ASAP2: variants seen among roughly 807,000 people sequenced by gnomAD.
The protein encoded by ASAP2 is ArfGAP with SH3 domain, ankyrin repeat and PH domain 2, also known as arf-GAP with SH3 domain, ANK repeat and PH domain-containing protein 2.
In ASAP2, 45 loss-of-function variants were observed where a neutral mutation model predicts 131.4. The ratio of observed to expected loss-of-function variants is 0.34; its 90% confidence interval spans 0.27 to 0.44. ASAP2 has a LOEUF of 0.44. Among genes scored for constraint, ASAP2 ranks in the 20% least tolerant of loss-of-function variants. The probability of loss-of-function intolerance (pLI) is 1.00; values close to 1 mark genes in which losing one functional copy is unlikely to be tolerated. For synonymous variants in ASAP2, 510 were observed against 503.0 expected, an observed-to-expected ratio of 1.01 and a Z score of -0.19; for missense variants, 1,011 against 1,297.0, an observed-to-expected ratio of 0.78 and a Z score of 3.39.
chr2:9,347,116 G>A (rs942468641), intron 11 of ASAP2, among the ~76,000 whole-genome samples: 2 of 152,194 alleles, frequency 1.3e-5, no homozygotes, highest in African/African-American at 4.8e-5. Context: ...TCCTGCAGGG[G>A]TGGTAGGTGG....
chr2:9,215,433 G>A (rs1300216520), intron 1 of ASAP2, among the ~76,000 whole-genome samples: 2 of 151,946 alleles, frequency 1.3e-5, no homozygotes, highest in African/African-American at 4.8e-5. Context: ...AGGTATTGAT[G>A]AATATAAACA....
intron 12 of ASAP2, among the ~76,000 whole-genome samples, chr2:9,355,172 C>G (rs1572532107): frequency 1.3e-5 from 2 of 152,164 alleles, no homozygotes; most frequent in South Asian, 4.1e-4. Flanking sequence ...AAAAATCTTA[C>G]TCAGATTTTA....
At chr2:9,378,770 C>T (rs1233325090) in intron 18 of ASAP2, among the ~76,000 whole-genome samples, 174 bp from the exon 19 acceptor site, 3 of 152,238 alleles carry the variant, frequency 2.0e-5, no homozygotes, top group African/African-American at 7.2e-5. Context: ...CTTCCCCAGC[C>T]ATGTAGGCAG....
At chr2:9,314,285 C>T (rs1444657713) in intron 3 of ASAP2, among the ~76,000 whole-genome samples, 1 of 152,176 alleles carries the variant, frequency 6.6e-6, no homozygotes, top group African/African-American at 2.4e-5. Flanking sequence ...CACTCAGCCT[C>T]CTTTGTAAAT....
chr2:9,288,055 T>C (rs1266855199), intron 2 of ASAP2, among the ~76,000 whole-genome samples: 3 of 152,186 alleles, frequency 2.0e-5, no homozygotes, highest in Non-Finnish European at 4.4e-5. Context: ...AGTGGTTCTT[T>C]AATCTTTTGG....
intron 15 of ASAP2, among the ~76,000 whole-genome samples, chr2:9,364,222 A>G (rs1435379243): frequency 6.6e-6 from 1 of 152,138 alleles, no homozygotes; most frequent in Non-Finnish European, 1.5e-5. Flanking sequence ...TAAAAATCTT[A>G]TGAGACCAGG....
intron 1 of ASAP2, among the ~76,000 whole-genome samples, chr2:9,223,434 G>T (rs1052696879): frequency 1.3e-5 from 2 of 152,120 alleles, no homozygotes; most frequent in Admixed American, 1.3e-4. Context: ...GAACATGCAG[G>T]CTTCATTTTT....
chr2:9,233,560 C>G (rs1663320461), intron 1 of ASAP2, among the ~76,000 whole-genome samples: 1 of 152,176 alleles, frequency 6.6e-6, no homozygotes, highest in Non-Finnish European at 1.5e-5. Flanking sequence ...CCCTTCAGGA[C>G]CTCTCGTTAT....
At chr2:9,403,135 CG>C (rs1179037536) in intron 27 of ASAP2, 117 bp from the exon 28 acceptor site, 1 of 772,340 alleles carries the variant, frequency 1.3e-6, no homozygotes, top group Admixed American at 2.6e-5. Context: ...AATTCCTTGT[CG>C]GAAGAGTCTT....
Position 9,392,178 on chromosome 2 carries a change from C to T in ASAP2, c.2518+982C>T, listed in dbSNP as rs931010019. On this transcript the variant is annotated intron_variant, in intron 23 of 27. Coordinates refer to ENST00000281419, the MANE Select transcript of ASAP2 (RefSeq NM_003887.3). This position sits in a 1 kb window ranked among gnomAD's most constrained non-coding sequence, Gnocchi z 4.0. Reference sequence around the variant, plus strand: ...CCTGGCATGTTTTCTTTAATATCAACATGTGGTTGAAAGTCCTGAAAACCT... The same window carrying T: ...CCTGGCATGTTTTCTTTAATATCAATATGTGGTTGAAAGTCCTGAAAACCT... Among the ~76,000 whole-genome samples the T allele has an allele frequency of 8.5e-5, 13 of 152,078 alleles. No individual in the cohort carries two copies. Among genetic ancestry groups the T allele is most frequent in the African/African-American group, 3.1e-4 (13 of 41,314 alleles).
At chr2:9,226,748 G>A (rs374486924) in intron 1 of ASAP2, among the ~76,000 whole-genome samples, 19 of 152,260 alleles carry the variant, frequency 1.2e-4, no homozygotes, top group African/African-American at 4.1e-4. Flanking sequence ...CACGCCGTCC[G>A]TCCACTCAAA....
At chr2:9,235,589 TGGA>T (rs1402380551) in intron 1 of ASAP2, among the ~76,000 whole-genome samples, 6 of 151,480 alleles carry the variant, frequency 4.0e-5, no homozygotes, top group Non-Finnish European at 7.4e-5. Context: ...TAAAGAGAAA[TGGA>T]GGAGGGAGAA....
At chr2:9,363,567 G>A (rs1051851490) in intron 15 of ASAP2, among the ~76,000 whole-genome samples, 2 of 152,196 alleles carry the variant, frequency 1.3e-5, no homozygotes, top group South Asian at 4.2e-4. Context: ...ACATATACCT[G>A]TTGGTCATTT....
intron 7 of ASAP2, among the ~76,000 whole-genome samples, chr2:9,333,362 A>G (rs1317424707): frequency 1.3e-5 from 2 of 152,236 alleles, no homozygotes; most frequent in Non-Finnish European, 2.9e-5. Context: ...ACACTAATGA[A>G]TACATAATTG....
At chr2:9,350,702 A>T in intron 11 of ASAP2, 106 bp from the exon 12 acceptor site, 1 of 909,262 alleles carries the variant, frequency 1.1e-6, no homozygotes, top group Non-Finnish European at 1.6e-6. Context: ...TTTGCAAACT[A>T]GTGAAGAGCT....
chr2:9,261,629 C>T (rs538194698), intron 1 of ASAP2, among the ~76,000 whole-genome samples: 1 of 152,216 alleles, frequency 6.6e-6, no homozygotes, highest in African/African-American at 2.4e-5. Context: ...GCCTTTCTTT[C>T]CCTGGGAGCA....
intron 20 of ASAP2, among the ~76,000 whole-genome samples, chr2:9,382,079 G>C (rs2148747764): frequency 6.7e-6 from 1 of 150,100 alleles, no homozygotes; most frequent in South Asian, 2.1e-4. Context: ...CGCCTCCCAG[G>C]TTTAAGCAAT....
intron 3 of ASAP2, among the ~76,000 whole-genome samples, chr2:9,298,420 C>T (rs1356407350): frequency 2.6e-5 from 4 of 152,124 alleles, no homozygotes; most frequent in South Asian, 4.2e-4. Context: ...TCTTTCTCCC[C>T]GTCTTCACTT....
At chr2:9,294,902 G>A (rs74472937) in intron 2 of ASAP2, among the ~76,000 whole-genome samples, 2,036 of 152,266 alleles carry the variant, frequency 0.013, 50 homozygotes, top group African/African-American at 0.047. Flanking sequence ...TGGAGGTTGC[G>A]TTCCTGTTTC....
Sources: allele counts gnomAD v4.1 joint callset (sites outside exome capture counted in the v4.1 genomes callset), GRCh38; gene constraint gnomAD v4.1.1; non-coding constraint Gnocchi (gnomAD v3.1); transcripts MANE v1.5; gene names NCBI Gene and HGNC (gene_info 2026-07-23, HGNC 2026-07-21).